The following KATNB1 variants were observed in gnomAD, a reference collection of about 807,000 sequenced individuals.
The protein encoded by KATNB1 is katanin p80 WD40 repeat-containing subunit B1.
A neutral mutation model predicts 82.3 loss-of-function variants in KATNB1; 38 were observed. That is an observed-to-expected ratio of 0.46 (90% CI 0.36 to 0.61). The LOEUF (loss-of-function observed/expected upper bound fraction) is 0.61. Among genes scored for constraint, KATNB1 ranks in the 20% least tolerant of loss-of-function variants. The probability of loss-of-function intolerance (pLI) is 0.00; values close to 1 mark genes in which losing one functional copy is unlikely to be tolerated. For missense variants in KATNB1, 749 were observed against 915.7 expected, an observed-to-expected ratio of 0.82 and a Z score of 2.35; for synonymous variants, 361 against 368.7, an observed-to-expected ratio of 0.98 and a Z score of 0.24.
Position 57,755,250 on chromosome 16 carries a change from C to G in KATNB1, c.1416+12C>G. 6.2e-7 allele frequency: 1 copy of G among 1,610,588 alleles called. No individual in the cohort carries two copies. The highest frequency in any genetic ancestry group is 8.5e-7 in the Non-Finnish European group (1 of 1,179,944). On this transcript the variant is annotated intron_variant, in intron 15 of 19. Transcript: ENST00000379661. The stretch of plus-strand genomic sequence containing the variant: ...CCGACTTCCTGCCCGTGAGTAGGAG[C>G]CCAGCTCGAGGCATGGGTGGAGGTC...
In KATNB1 at chr16:57,755,469, CTG is replaced by C; in HGVS notation, c.1546_1547del (p.Trp516AspfsTer48). On this transcript the variant is annotated frameshift_variant, in exon 16 of 20. Transcript: ENST00000379661. LOFTEE classifies it high-confidence loss of function. ...CACAAGAACCTGGACACTGTGCGGGCTGTGTGGACCATGGGCGACATCAAGGC... is the reference window on the plus strand; with the variant it reads ...CACAAGAACCTGGACACTGTGCGGGCTGTGGACCATGGGCGACATCAAGGC... 1 of 1,613,240 alleles carries C rather than the reference CTG, an allele frequency of 6.2e-7. No individual in the cohort carries two copies. Among genetic ancestry groups the C allele is most frequent in the Non-Finnish European group, 8.5e-7 (1 of 1,179,894 alleles).
intron 4 of KATNB1, among the ~76,000 whole-genome samples, chr16:57,746,266 T>C (rs1597826206): frequency 6.6e-6 from 1 of 152,186 alleles, no homozygotes; most frequent in Non-Finnish European, 1.5e-5. Flanking sequence ...AGGTTCTAGG[T>C]TGCTATTGGG....
chr16:57,739,542 C>T (rs542134290), intron 2 of KATNB1, among the ~76,000 whole-genome samples: 5 of 152,292 alleles, frequency 3.3e-5, no homozygotes, highest in Non-Finnish European at 5.9e-5. Flanking sequence ...ATCAAGTATT[C>T]GGCCTGGGCT....
chr16:57,755,687 C>T (rs2049270480), intron 16 of KATNB1, 154 bp from the exon 17 acceptor site: 2 of 973,830 alleles, frequency 2.1e-6, no homozygotes, highest in Admixed American at 5.5e-5. Context: ...CATCTGTTTA[C>T]ATGCCTGGCC....
rs777711371 is a variant in KATNB1, at chr16:57,744,456, C to T, written c.234C>T (p.Ile78=). 68 of 1,613,944 alleles carry T rather than the reference C, an allele frequency of 4.2e-5. No individual in the cohort carries two copies. The highest frequency in any genetic ancestry group is 4.6e-5 in the Non-Finnish European group (54 of 1,180,034). ...SVRLNTPEEL[I]VAGSQSGSIR... Reference sequence around the variant, plus strand: ...GCCTCAACACCCCCGAGGAGCTCATCGTGGCCGGCTCTCAGTCGGGCTCCA... The same window carrying T: ...GCCTCAACACCCCCGAGGAGCTCATTGTGGCCGGCTCTCAGTCGGGCTCCA... The change falls in exon 4 of 20, where the codon ATC becomes ATT. Residue 78 remains isoleucine, a synonymous_variant. Transcript: ENST00000379661.
At chr16:57,746,150 C>A (rs2049182564) in intron 4 of KATNB1, among the ~76,000 whole-genome samples, 1 of 152,288 alleles carries the variant, frequency 6.6e-6, no homozygotes, top group South Asian at 2.1e-4. Flanking sequence ...TTCTGCTACC[C>A]CCATCATTTG....
rs782413989 is a variant in KATNB1, at chr16:57,755,043, G to A, written c.1296+46G>A. On this transcript the variant is annotated intron_variant, in intron 14 of 19. Coordinates refer to ENST00000379661, the MANE Select transcript of KATNB1 (RefSeq NM_005886.3). Reference sequence around the variant, plus strand: ...TGGTGTGGGGCCTAGAGAAGGTCCTGACCCAGGGTTGGGGGTGCCTCGGGA... The same window carrying A: ...TGGTGTGGGGCCTAGAGAAGGTCCTAACCCAGGGTTGGGGGTGCCTCGGGA... The A allele has an allele frequency of 3.1e-5, 50 of 1,613,498 alleles. 1 individual carries two copies. The highest frequency in any genetic ancestry group is 4.0e-5 in the Non-Finnish European group (47 of 1,179,978).
At chr16:57,747,675 G>A (rs887169202) in intron 4 of KATNB1, among the ~76,000 whole-genome samples, 1 of 152,200 alleles carries the variant, frequency 6.6e-6, no homozygotes, top group Non-Finnish European at 1.5e-5. Flanking sequence ...GGATGGCTGG[G>A]CTCTCATGGA....
rs11450469 is a variant in KATNB1 at position 57,738,261 on chromosome 16, C to CTT, written c.40+991_40+992dup. 3.1e-3 allele frequency among the ~76,000 whole-genome samples: 442 copies of CTT among 144,706 alleles called. 10 individuals are homozygous for CTT. In the South Asian group the frequency reaches 0.039, roughly 13 times the overall value. The allele number at this position is 144,706 out of a possible 152,430, so 94.9% of individuals were successfully genotyped here. A position where few individuals can be genotyped will look rare whatever the true frequency, so the allele number is the denominator to read the frequency against. On this transcript the variant is annotated intron_variant, in intron 2 of 19. Transcript: ENST00000379661. ...TCAGGAGCTGGGACAAGACTCCACACTTTTTTTTTTTTTTGAGACAGAGTC... is the reference window on the plus strand; with the variant it reads ...TCAGGAGCTGGGACAAGACTCCACACTTTTTTTTTTTTTTTTGAGACAGAGTC...
chr16:57,747,082 A>T (rs1452795159), intron 4 of KATNB1, among the ~76,000 whole-genome samples: 1 of 152,128 alleles, frequency 6.6e-6, no homozygotes, highest in African/African-American at 2.4e-5. Context: ...GGGTTTCTCC[A>T]TGTTGGCCAG....
chr16:57,754,305 A>C (rs1016034459), intron 13 of KATNB1, among the ~76,000 whole-genome samples: 18 of 152,110 alleles, frequency 1.2e-4, no homozygotes, highest in African/African-American at 4.1e-4. Context: ...CCCACCTTAG[A>C]TGGGGTCTGC....
Position 57,755,381 on chromosome 16 carries a change from G to A in KATNB1, c.1453G>A (p.Glu485Lys), listed in dbSNP as rs782354638. 4.2e-5 allele frequency: 68 copies of A among 1,613,236 alleles called. No homozygotes were observed. The highest frequency in any genetic ancestry group is 5.2e-5 in the Non-Finnish European group (61 of 1,180,042). Residue 485 changes from glutamate to lysine, a missense_variant, in exon 16 of 20, where the codon GAG becomes AAG. By Grantham distance (56) the Glu-to-Lys change is moderately conservative (BLOSUM62 1). Coordinates refer to ENST00000379661, the MANE Select transcript of KATNB1 (RefSeq NM_005886.3). ...CCCCCAGCAGGCCGAGCTGGTGGAC[G>A]AGGATGCCATGTCACAGATCCGCAA... is the stretch of plus-strand genomic sequence containing the variant. ...KIPQQAELVD[E>K]DAMSQIRKGH...
chr16:57,752,349 G>A, intron 8 of KATNB1, 181 bp from the exon 9 acceptor site: 1 of 664,116 alleles, frequency 1.5e-6, no homozygotes, highest in Non-Finnish European at 2.6e-6. Context: ...GGCCAACCCT[G>A]GGGCCAGGGC....
chr16:57,751,932 G>A lies in KATNB1; in HGVS notation c.517-8G>A. ...GTCACCCTGACCTCCTCCCTGCCCTGCCTCCAGCTCTGGGATCTCACTGCC... is the reference window on the plus strand; with the variant it reads ...GTCACCCTGACCTCCTCCCTGCCCTACCTCCAGCTCTGGGATCTCACTGCC... On this transcript the variant is annotated splice_region_variant and splice_polypyrimidine_tract_variant and intron_variant, in intron 7 of 19. Transcript: ENST00000379661. The surrounding 1 kb of genome is among the most constrained non-coding windows in gnomAD (Gnocchi z 6.3). 1 of 1,609,130 alleles carries A rather than the reference G, an allele frequency of 6.2e-7. No individual in the cohort carries two copies. Among genetic ancestry groups the A allele is most frequent in the Non-Finnish European group, 8.5e-7 (1 of 1,175,970 alleles).
intron 12 of KATNB1, 32 bp from the exon 13 acceptor site, chr16:57,753,913 C>G (rs781806354): frequency 1.6e-5 from 26 of 1,611,316 alleles, no homozygotes; most frequent in Non-Finnish European, 2.2e-5. Context: ...TGGCCAGGAG[C>G]GCTCACAGCC....
At chr16:57,744,109 C>G (rs930857432) in intron 3 of KATNB1, among the ~76,000 whole-genome samples, 1 of 152,214 alleles carries the variant, frequency 6.6e-6, no homozygotes, top group Non-Finnish European at 1.5e-5. Flanking sequence ...TCCAAGGGGC[C>G]CAGGGCCATT....
chr16:57,753,914 G>A (rs782680092), intron 12 of KATNB1, 31 bp from the exon 13 acceptor site: 45 of 1,611,602 alleles, frequency 2.8e-5, no homozygotes, highest in South Asian at 6.6e-5. Context: ...GGCCAGGAGC[G>A]CTCACAGCCA....
At chr16:57,744,285 C>T in intron 3 of KATNB1, 109 bp from the exon 4 acceptor site, 1 of 936,832 alleles carries the variant, frequency 1.1e-6, no homozygotes, top group Non-Finnish European at 1.7e-6. Flanking sequence ...GGCTCCCCCT[C>T]CTGCCTTAGC....
intron 13 of KATNB1, among the ~76,000 whole-genome samples, chr16:57,754,304 G>A (rs1226298583): frequency 2.6e-5 from 4 of 152,204 alleles, no homozygotes; most frequent in Admixed American, 6.5e-5. Flanking sequence ...GCCCACCTTA[G>A]ATGGGGTCTG....
Sources: allele counts gnomAD v4.1 joint callset (sites outside exome capture counted in the v4.1 genomes callset), GRCh38; gene constraint gnomAD v4.1.1; non-coding constraint Gnocchi (gnomAD v3.1); transcripts MANE v1.5; gene names NCBI Gene and HGNC (gene_info 2026-07-23, HGNC 2026-07-21).